Variants in CEP112 observed in about 807,000 individuals in gnomAD.
CEP112 encodes the protein centrosomal protein 112, also known as centrosomal protein of 112 kDa.
Under a neutral mutation model 153.0 loss-of-function variants are expected in CEP112, and 127 were observed. The observed-to-expected ratio is 0.83, with a 90% confidence interval of 0.72 to 0.96. The LOEUF is 0.96. Among genes scored for constraint, CEP112 ranks in the 40% least tolerant of loss-of-function variants. The pLI is 0.00. For missense variants in CEP112, 1,089 were observed against 1,101.2 expected (o/e 0.99, Z 0.16); for synonymous variants, 358 against 374.4 (o/e 0.96, Z 0.51).
chr17:66,183,910 T>C (rs529735625), intron 1 of CEP112, among the ~76,000 whole-genome samples: 1 of 152,106 alleles, frequency 6.6e-6, no homozygotes. Context: ...CAAACTTGAG[T>C]AAGGCTAAGA....
chr17:65,745,528 T>C (rs1048331076), intron 22 of CEP112, among the ~76,000 whole-genome samples: 5 of 152,158 alleles, frequency 3.3e-5, no homozygotes, highest in Non-Finnish European at 7.3e-5. Context: ...AATATGAAAT[T>C]TAAGATTGAT....
At chr17:66,076,237 T>C (rs1395216342) in intron 8 of CEP112, among the ~76,000 whole-genome samples, 1 of 48,584 alleles carries the variant, frequency 2.1e-5, no homozygotes, top group Non-Finnish European at 4.0e-5. Flanking sequence ...AAACCCAGTG[T>C]GCAGACTCCA....
rs1426910841 is a variant in CEP112, at chr17:66,170,374, A to G, written c.470+4670T>C. Among the ~76,000 whole-genome samples, 4 of 152,282 alleles carry G rather than the reference A, an allele frequency of 2.6e-5. No individual in the cohort carries two copies. The East Asian group carries it at 5.8e-4, about 22-fold the overall frequency. ...AGATCTAAATGAAATTAACCAAACT[A>G]TACATGCATGAGATCTAAGTCTATG... On this transcript the variant is annotated intron_variant, in intron 4 of 26. Transcript: ENST00000535342.
intron 17 of CEP112, among the ~76,000 whole-genome samples, chr17:65,971,569 GTA>G (rs569312654): frequency 2.9e-4 from 44 of 152,224 alleles, no homozygotes; most frequent in African/African-American, 9.9e-4. Context: ...TGTGTTGTAT[GTA>G]TATGGCATGT....
At chr17:65,744,980 G>A (rs1340835901) in intron 22 of CEP112, among the ~76,000 whole-genome samples, 1 of 152,258 alleles carries the variant, frequency 6.6e-6, no homozygotes, top group East Asian at 1.9e-4. Context: ...TTGAAGCTCA[G>A]TTTTTCCAAC....
intron 24 of CEP112, among the ~76,000 whole-genome samples, chr17:65,644,888 G>C (rs535725011): frequency 5.3e-4 from 81 of 152,258 alleles, no homozygotes; most frequent in Middle Eastern, 6.8e-3. Context: ...CCATGGTAAA[G>C]TCTGAGGCCA....
intron 23 of CEP112, among the ~76,000 whole-genome samples, chr17:65,715,059 T>G (rs2049423579): frequency 6.6e-6 from 1 of 151,982 alleles, no homozygotes; most frequent in African/African-American, 2.4e-5. Context: ...TAAAGTGGAT[T>G]AGGGTAATGG....
At chr17:66,177,154 A>G (rs1311197191) in intron 2 of CEP112, 134 bp from the exon 3 acceptor site, 1 of 668,448 alleles carries the variant, frequency 1.5e-6, no homozygotes, top group East Asian at 2.8e-5. Flanking sequence ...GCCAGAGAGT[A>G]TATACTTTAG....
At chr17:65,822,659 A>T (rs1598694946) in intron 21 of CEP112, among the ~76,000 whole-genome samples, 2 of 152,184 alleles carry the variant, frequency 1.3e-5, no homozygotes, top group East Asian at 3.8e-4. Context: ...TCCCTGGTAC[A>T]TTTGATTCTT....
chr17:66,006,488 C>T (rs2064279550), intron 16 of CEP112, among the ~76,000 whole-genome samples: 1 of 151,998 alleles, frequency 6.6e-6, no homozygotes, highest in Non-Finnish European at 1.5e-5. Flanking sequence ...CGCCTGTAAG[C>T]CCAGCTACTC....
intron 19 of CEP112, among the ~76,000 whole-genome samples, chr17:65,915,523 C>A (rs888947307): frequency 6.6e-6 from 1 of 152,044 alleles, no homozygotes; most frequent in Admixed American, 6.6e-5. Context: ...CAGTAGCTCA[C>A]GCCTGTAATC....
At chr17:65,813,316 A>G (rs1030469568) in intron 21 of CEP112, among the ~76,000 whole-genome samples, 7 of 152,304 alleles carry the variant, frequency 4.6e-5, no homozygotes, top group African/African-American at 1.7e-4. Flanking sequence ...AGAAACAAGA[A>G]ACAGGGAAGG....
intron 23 of CEP112, among the ~76,000 whole-genome samples, chr17:65,738,805 G>A (rs2145106317): frequency 6.6e-6 from 1 of 152,258 alleles, no homozygotes; most frequent in Non-Finnish European, 1.5e-5. Flanking sequence ...GTACTATTTT[G>A]TATAGTTGAG....
intron 24 of CEP112, among the ~76,000 whole-genome samples, chr17:65,674,066 A>G (rs544997988): frequency 1.3e-5 from 2 of 152,156 alleles, no homozygotes; most frequent in African/African-American, 2.4e-5. Flanking sequence ...TAGTAGAGAC[A>G]GGGTTTCACC....
intron 21 of CEP112, among the ~76,000 whole-genome samples, chr17:65,796,569 G>A (rs917407108): frequency 2.6e-5 from 4 of 152,112 alleles, no homozygotes; most frequent in African/African-American, 9.7e-5. Flanking sequence ...AAGATCCCTT[G>A]AGCTGAGGAA....
intron 23 of CEP112, among the ~76,000 whole-genome samples, chr17:65,717,137 C>T (rs2049572123): frequency 6.6e-6 from 1 of 152,166 alleles, no homozygotes. Context: ...TGACTGGGCT[C>T]TCATTGGGAA....
chr17:65,788,380 G>A (rs1393295648), intron 21 of CEP112, among the ~76,000 whole-genome samples: 1 of 152,078 alleles, frequency 6.6e-6, no homozygotes, highest in East Asian at 1.9e-4. Flanking sequence ...TACTGTTCCT[G>A]GCTGACTTTC....
At chr17:66,179,064 C>T (rs941099486) in intron 2 of CEP112, among the ~76,000 whole-genome samples, 9 of 152,078 alleles carry the variant, frequency 5.9e-5, no homozygotes, top group African/African-American at 1.9e-4. Flanking sequence ...ATTGTTTTTA[C>T]GCCAGTACCA....
chr17:65,808,819 T>A (rs1454021438), intron 21 of CEP112, among the ~76,000 whole-genome samples: 1 of 152,180 alleles, frequency 6.6e-6, no homozygotes, highest in Non-Finnish European at 1.5e-5. Flanking sequence ...TGTGAGTCAA[T>A]TAAACTTCTT....
Sources: allele counts gnomAD v4.1 joint callset (sites outside exome capture counted in the v4.1 genomes callset), GRCh38; gene constraint gnomAD v4.1.1; transcripts MANE v1.5; gene names NCBI Gene and HGNC (gene_info 2026-07-23, HGNC 2026-07-21).